Variants in B3GALT1 observed in about 807,000 individuals in gnomAD.
The protein encoded by B3GALT1 is UDP-Gal:betaGlcNAc beta 1,3-galactosyltransferase, polypeptide 1.
Under a neutral mutation model 23.2 loss-of-function variants are expected in B3GALT1, and 10 were observed. The observed-to-expected ratio is 0.43, with a 90% CI of 0.27 to 0.73. The LOEUF is 0.73. Ranked by LOEUF, B3GALT1 falls within the 30% of genes least tolerant of loss-of-function variation. The pLI is 0.21. For missense variants in B3GALT1, 299 were observed against 405.4 expected, an observed-to-expected ratio of 0.74 and a Z score of 2.25; for synonymous variants, 156 against 141.5, an observed-to-expected ratio of 1.10 and a Z score of -0.73.
intron 2 of B3GALT1, among the ~76,000 whole-genome samples, chr2:167,608,089 T>C (rs995241199): frequency 6.6e-6 from 1 of 152,196 alleles, no homozygotes; most frequent in Non-Finnish European, 1.5e-5. Flanking sequence ...CATTCCTACA[T>C]GCTGATATGT....
intron 3 of B3GALT1, among the ~76,000 whole-genome samples, chr2:167,808,222 A>G (rs1407902021): frequency 6.6e-6 from 1 of 150,846 alleles, no homozygotes; most frequent in Non-Finnish European, 1.5e-5. Flanking sequence ...GGTTTCCTGA[A>G]TACAGCACAC....
intron 3 of B3GALT1, among the ~76,000 whole-genome samples, chr2:167,757,496 AACAAGTGCAAGTGCCTCCCTAAATCT>A (rs1490030359): frequency 1.3e-5 from 2 of 152,190 alleles, no homozygotes; most frequent in Non-Finnish European, 2.9e-5. Flanking sequence ...ATACCCATGT[AACAAGTGCAAGTGCCTCCCTAAATCT>A]AAAATTTTTT....
At chr2:167,682,862 C>T (rs542503251) in intron 3 of B3GALT1, among the ~76,000 whole-genome samples, 19 of 152,300 alleles carry the variant, frequency 1.2e-4, no homozygotes, top group African/African-American at 4.6e-4. Flanking sequence ...AATATGTATA[C>T]TCAAAGTAAC....
At chr2:167,434,596 A>G (rs1252211038) in intron 1 of B3GALT1, among the ~76,000 whole-genome samples, 1 of 151,756 alleles carries the variant, frequency 6.6e-6, no homozygotes, top group Non-Finnish European at 1.5e-5. Context: ...GTATTAGGGT[A>G]TAAATCGTCC....
chr2:167,315,444 G>A (rs1020948129), intron 1 of B3GALT1, among the ~76,000 whole-genome samples: 1 of 151,994 alleles, frequency 6.6e-6, no homozygotes, highest in Non-Finnish European at 1.5e-5. Flanking sequence ...ACAAAGGTAG[G>A]ATAAGCAGTA....
In B3GALT1 at chr2:167,871,936, C is replaced by A. The variant is rs1202807136; in HGVS notation, c.*1916C>A. Reference sequence around the variant, plus strand: ...TTTTTTTTTGAGACGGAGTCTAGCTCTGTGGCCCAGGCGGGAGTGCAGTGG... The same window carrying A: ...TTTTTTTTTGAGACGGAGTCTAGCTATGTGGCCCAGGCGGGAGTGCAGTGG... On this transcript the variant is annotated 3_prime_UTR_variant, in exon 5 of 5. Transcript: ENST00000392690. 1.8e-5 allele frequency: 2 copies of A among 111,026 alleles called. No individual in the cohort carries two copies. Among genetic ancestry groups the A allele is most frequent in the Non-Finnish European group, 3.3e-5 (2 of 60,188 alleles). The allele number at this position is 111,026 out of a possible 1,614,324, so 6.9% of individuals were successfully genotyped here. A position where few individuals can be genotyped will look rare whatever the true frequency, so the allele number is the denominator to read the frequency against.
At chr2:167,479,949 G>T (rs530705015) in intron 1 of B3GALT1, among the ~76,000 whole-genome samples, 13 of 152,206 alleles carry the variant, frequency 8.5e-5, no homozygotes, top group Admixed American at 3.3e-4. Context: ...GTGGAAAATG[G>T]CCCTCATGCG....
At chr2:167,523,235 G>T (rs1205481490) in intron 2 of B3GALT1, among the ~76,000 whole-genome samples, 2 of 152,134 alleles carry the variant, frequency 1.3e-5, no homozygotes, top group South Asian at 2.1e-4. Flanking sequence ...CTGAAAGAAT[G>T]ACTTCTATAA....
At position 167,514,958 on chromosome 2, in the gene B3GALT1, T is replaced by G. The variant is rs537128314; in HGVS notation, c.-410+24681T>G. On this transcript the variant is annotated intron_variant, in intron 2 of 4. Transcript: ENST00000392690. Reference sequence around the variant, plus strand: ...TTAATAAATATAAACTACTATAATTTGTTATGATCATTATCTTATTATCAT... The same window carrying G: ...TTAATAAATATAAACTACTATAATTGGTTATGATCATTATCTTATTATCAT... 2.0e-5 allele frequency among the ~76,000 whole-genome samples: 3 copies of G among 152,230 alleles called. No homozygotes were observed. The South Asian group carries it at 6.2e-4, about 32-fold the overall frequency.
At chr2:167,768,823 C>G (rs1257083705) in intron 3 of B3GALT1, among the ~76,000 whole-genome samples, 1 of 152,174 alleles carries the variant, frequency 6.6e-6, no homozygotes, top group Non-Finnish European at 1.5e-5. Flanking sequence ...CAAGGTCTGA[C>G]TGTGCTTGAT....
intron 3 of B3GALT1, among the ~76,000 whole-genome samples, chr2:167,813,682 T>C (rs1291432569): frequency 6.6e-6 from 1 of 152,204 alleles, no homozygotes; most frequent in Non-Finnish European, 1.5e-5. Context: ...GTTGCCTTTT[T>C]CTATAAAGAG....
intron 3 of B3GALT1, among the ~76,000 whole-genome samples, chr2:167,708,228 G>A (rs973603180): frequency 3.9e-5 from 6 of 152,220 alleles, no homozygotes; most frequent in African/African-American, 1.4e-4. Flanking sequence ...TACCTGAAGT[G>A]TGAGGAGACA....
intron 1 of B3GALT1, among the ~76,000 whole-genome samples, chr2:167,445,440 G>T (rs1255949958): frequency 6.6e-6 from 1 of 152,162 alleles, no homozygotes; most frequent in African/African-American, 2.4e-5. Context: ...CTGTCTCATT[G>T]ATCTGTCTAA....
At chr2:167,708,892 C>T (rs1476177073) in intron 3 of B3GALT1, among the ~76,000 whole-genome samples, 1 of 152,138 alleles carries the variant, frequency 6.6e-6, no homozygotes, top group Non-Finnish European at 1.5e-5. Context: ...CCTCCATCTC[C>T]CCCAGTAAGA....
chr2:167,309,089 C>T (rs1021420737), intron 1 of B3GALT1, among the ~76,000 whole-genome samples: 5 of 152,120 alleles, frequency 3.3e-5, no homozygotes, highest in East Asian at 1.9e-4. Context: ...AAAAAATTAA[C>T]CCTATTAATG....
intron 2 of B3GALT1, among the ~76,000 whole-genome samples, chr2:167,580,967 T>C (rs1345482285): frequency 6.6e-6 from 1 of 152,200 alleles, no homozygotes; most frequent in African/African-American, 2.4e-5. Flanking sequence ...TGGGAGAAAC[T>C]CAGAATGGCC....
At chr2:167,499,981 T>C (rs1211176610) in intron 2 of B3GALT1, among the ~76,000 whole-genome samples, 1 of 152,086 alleles carries the variant, frequency 6.6e-6, no homozygotes, top group Non-Finnish European at 1.5e-5. Flanking sequence ...TGTGTATATG[T>C]GTCCTGTGTG....
intron 3 of B3GALT1, among the ~76,000 whole-genome samples, chr2:167,676,230 T>A (rs1357075267): frequency 6.6e-6 from 1 of 152,154 alleles, no homozygotes; most frequent in Non-Finnish European, 1.5e-5. Flanking sequence ...TCTTACCAAG[T>A]GCAACATGCA....
intron 2 of B3GALT1, among the ~76,000 whole-genome samples, chr2:167,527,889 T>G (rs1683249465): frequency 6.6e-6 from 1 of 152,186 alleles, no homozygotes; most frequent in Non-Finnish European, 1.5e-5. Flanking sequence ...TAAAGTTATT[T>G]GTTTGTGTTA....
Sources: gnomAD v4.1 joint callset for allele counts (sites outside exome capture counted in the v4.1 genomes callset) on GRCh38, gnomAD v4.1.1 for gene constraint, MANE v1.5 for transcripts, NCBI Gene and HGNC (gene_info 2026-07-23, HGNC 2026-07-21) for gene names.